STX17: variants seen among roughly 807,000 people sequenced by gnomAD.
The protein encoded by STX17 is syntaxin-17.
STX17 carries 29 observed loss-of-function variants against 35.9 expected under a neutral mutation model. The ratio of observed to expected loss-of-function variants is 0.81; its 90% CI spans 0.60 to 1.10. The LOEUF (loss-of-function observed/expected upper bound fraction) is 1.10. Among genes scored for constraint, STX17 ranks in the 50% least tolerant of loss-of-function variants. STX17 has a pLI of 0.00. For missense variants in STX17, 312 were observed against 352.3 expected, an observed-to-expected ratio of 0.89 and a Z score of 0.92; for synonymous variants, 92 against 118.3, an observed-to-expected ratio of 0.78 and a Z score of 1.44.
At chr9:99,947,216 G>A (rs1286207899) in intron 3 of STX17, among the ~76,000 whole-genome samples, 20 of 151,912 alleles carry the variant, frequency 1.3e-4, no homozygotes, top group Admixed American at 1.3e-3. Context: ...GGCCTAATAT[G>A]AAGCTAAACT....
At chr9:99,906,730 C>T (rs573953094) in intron 1 of STX17, 24 bp downstream of exon 1, 14 of 152,286 alleles carry the variant, frequency 9.2e-5, no homozygotes, top group African/African-American at 3.1e-4. Flanking sequence ...TGGAGGCCGC[C>T]TTTGGGGGCG....
Position 99,971,519 on chromosome 9 carries a change from A to T in STX17, c.*2846A>T, listed in dbSNP as rs1363209410. On this transcript the variant is annotated 3_prime_UTR_variant, in exon 8 of 8. Transcript: ENST00000259400. ...GGTTGCAACCCTTAGCTTGAAAAAA[A>T]CACCCTCACAGAGGAACTGGTATTT... 6.6e-6 allele frequency among the ~76,000 whole-genome samples: 1 copy of T among 152,230 alleles called. No homozygotes were observed. Among genetic ancestry groups the T allele is most frequent in the Non-Finnish European group, 1.5e-5 (1 of 68,054 alleles).
chr9:99,965,394 G>C (rs10116142), intron 6 of STX17, among the ~76,000 whole-genome samples: 99,768 of 152,038 alleles, frequency 0.66, 33,051 homozygotes, highest in African/African-American at 0.72. Flanking sequence ...ATCCTGGCAG[G>C]CTCCTCCCTC....
chr9:99,965,760 C>T (rs950022024), intron 6 of STX17, among the ~76,000 whole-genome samples: 2 of 151,976 alleles, frequency 1.3e-5, no homozygotes, highest in Non-Finnish European at 2.9e-5. Flanking sequence ...TTTCAAGCAC[C>T]GAAAGAAAAA....
At chr9:99,944,538 G>T (rs1296847294) in intron 3 of STX17, among the ~76,000 whole-genome samples, 1 of 146,952 alleles carries the variant, frequency 6.8e-6, no homozygotes, top group African/African-American at 2.5e-5. Context: ...TTTTAAGTTG[G>T]AGTTTCACTC....
chr9:99,947,581 A>G (rs1006320527), intron 3 of STX17, among the ~76,000 whole-genome samples: 2 of 152,174 alleles, frequency 1.3e-5, no homozygotes, highest in Non-Finnish European at 2.9e-5. Context: ...TGCTCTTCTA[A>G]GCCGCTGGGG....
chr9:99,951,034 G>A (rs1398712509), intron 3 of STX17, 26 bp from the exon 4 acceptor site: 5 of 1,560,216 alleles, frequency 3.2e-6, no homozygotes, highest in Middle Eastern at 1.7e-4. Context: ...AGAAATGGTG[G>A]CATTAATGAT....
At chr9:99,950,526 C>T (rs187826491) in intron 3 of STX17, among the ~76,000 whole-genome samples, 3 of 151,800 alleles carry the variant, frequency 2.0e-5, no homozygotes, top group East Asian at 1.9e-4. Flanking sequence ...TGTTGATCAC[C>T]GAAGGAGTGA....
chr9:99,945,768 C>G (rs1564069096), intron 3 of STX17: 1 of 392,850 alleles, frequency 2.5e-6, no homozygotes, highest in Admixed American at 2.9e-5. Context: ...AACTGTGGAA[C>G]AAAAATTTTT....
intron 6 of STX17, chr9:99,967,429 T>C: frequency 2.6e-6 from 1 of 391,986 alleles, no homozygotes; most frequent in Non-Finnish European, 4.6e-6. Flanking sequence ...CTTTTTGCTG[T>C]AAAGTTGCCA....
intron 1 of STX17, among the ~76,000 whole-genome samples, chr9:99,913,298 G>A (rs1828697012): frequency 6.6e-6 from 1 of 151,546 alleles, no homozygotes; most frequent in Non-Finnish European, 1.5e-5. Flanking sequence ...CTTTCTTTCT[G>A]GGACTTCTAC....
intron 3 of STX17, among the ~76,000 whole-genome samples, chr9:99,934,781 A>G (rs933455667): frequency 6.6e-6 from 1 of 152,226 alleles, no homozygotes; most frequent in Non-Finnish European, 1.5e-5. Context: ...CCTTAAATCA[A>G]TATTTTAAAA....
intron 1 of STX17, among the ~76,000 whole-genome samples, chr9:99,910,325 G>A (rs975069855): frequency 6.6e-6 from 1 of 152,006 alleles, no homozygotes; most frequent in African/African-American, 2.4e-5. Flanking sequence ...AAGCAATAAT[G>A]AGACATCATT....
chr9:99,938,167 C>T (rs1587925430), intron 3 of STX17: 1 of 152,138 alleles, frequency 6.6e-6, no homozygotes, highest in African/African-American at 2.4e-5. Flanking sequence ...CTGATCAGTT[C>T]TTTGCTGAAT....
At chr9:99,946,874 A>C (rs1829493743) in intron 3 of STX17, among the ~76,000 whole-genome samples, 3 of 150,152 alleles carry the variant, frequency 2.0e-5, no homozygotes. Flanking sequence ...TTTGCAAGAA[A>C]CTCTTGTCTC....
At chr9:99,917,618 T>C (rs1828800997) in intron 2 of STX17, among the ~76,000 whole-genome samples, 2 of 152,236 alleles carry the variant, frequency 1.3e-5, no homozygotes, top group African/African-American at 4.8e-5. Flanking sequence ...CCATAGGTCC[T>C]TCATTTTATT....
intron 3 of STX17, among the ~76,000 whole-genome samples, chr9:99,930,254 A>C (rs1423643037): frequency 6.8e-6 from 1 of 146,204 alleles, no homozygotes; most frequent in East Asian, 2.1e-4. Context: ...TCCATTCTTT[A>C]TTTATTTTAT....
chr9:99,915,130 A>C, intron 1 of STX17, 48 bp from the exon 2 acceptor site: 2 of 1,246,178 alleles, frequency 1.6e-6, no homozygotes, highest in South Asian at 4.2e-5. Flanking sequence ...TTTTAAAAAT[A>C]GTGGAAACAG....
At chr9:99,927,584 C>G (rs1196439956) in intron 2 of STX17, among the ~76,000 whole-genome samples, 1 of 152,156 alleles carries the variant, frequency 6.6e-6, no homozygotes, top group African/African-American at 2.4e-5. Flanking sequence ...CAAGCGATCT[C>G]CTGCCTCTGC....
Sources: gnomAD v4.1 joint callset for allele counts (sites outside exome capture counted in the v4.1 genomes callset) on GRCh38, gnomAD v4.1.1 for gene constraint, MANE v1.5 for transcripts, NCBI Gene and HGNC (gene_info 2026-07-23, HGNC 2026-07-21) for gene names.